TSPAN14: variants seen among roughly 807,000 people sequenced by gnomAD.
TSPAN14 encodes the protein tetraspanin 14.
Under a neutral mutation model 36.6 loss-of-function variants are expected in TSPAN14, and 16 were observed. The ratio of observed to expected loss-of-function variants is 0.44; its 90% CI spans 0.30 to 0.66. The LOEUF (loss-of-function observed/expected upper bound fraction) is 0.66, where lower values mean the gene tolerates loss of function less well. Among genes scored for constraint, TSPAN14 ranks in the 30% least tolerant of loss-of-function variants. TSPAN14 has a pLI of 0.12. For synonymous variants in TSPAN14, 139 were observed against 143.8 expected, an observed-to-expected ratio of 0.97 and a Z score of 0.24; for missense variants, 231 against 355.1, an observed-to-expected ratio of 0.65 and a Z score of 2.81.
intron 2 of TSPAN14, among the ~76,000 whole-genome samples, chr10:80,503,961 G>A (rs1185705026): frequency 6.6e-6 from 1 of 152,202 alleles, no homozygotes; most frequent in African/African-American, 2.4e-5. Context: ...TCAGGAACCT[G>A]TGTGATGTAT....
At chr10:80,500,350 A>G (rs1848436772) in intron 2 of TSPAN14, among the ~76,000 whole-genome samples, 2 of 63,184 alleles carry the variant, frequency 3.2e-5, no homozygotes, top group South Asian at 5.2e-4. Context: ...TTTTTTTGAG[A>G]CGAAGTTTTG....
chr10:80,469,356 A>G (rs1355015440), intron 1 of TSPAN14, among the ~76,000 whole-genome samples: 2 of 151,688 alleles, frequency 1.3e-5, no homozygotes, highest in African/African-American at 2.4e-5. Flanking sequence ...AGATAAATAA[A>G]TAGTCCAGAA....
chr10:80,515,547 G>T (rs1013119774), intron 7 of TSPAN14: 1 of 152,322 alleles, frequency 6.6e-6, no homozygotes, highest in Non-Finnish European at 1.5e-5. Context: ...TATGGATTTT[G>T]AGGACACAAT....
intron 2 of TSPAN14, among the ~76,000 whole-genome samples, chr10:80,490,433 T>C (rs1161442068): frequency 6.6e-6 from 1 of 152,148 alleles, no homozygotes; most frequent in African/African-American, 2.4e-5. Flanking sequence ...CACTCCCAAG[T>C]TGGCTGAGAG....
chr10:80,462,358 A>ATGGGATGGAGTGGGG (rs1564708043), intron 1 of TSPAN14, among the ~76,000 whole-genome samples: 9 of 77,586 alleles, frequency 1.2e-4, no homozygotes, highest in African/African-American at 3.2e-4. Context: ...ATGGGGTGGG[A>ATGGGATGGAGTGGGG]TGGGATGGGA....
intron 2 of TSPAN14, among the ~76,000 whole-genome samples, chr10:80,498,159 A>T (rs187248270): frequency 1.1e-3 from 163 of 152,142 alleles, no homozygotes; most frequent in African/African-American, 3.4e-3. Context: ...ATTCTATTCA[A>T]TCGTCAGCAT....
chr10:80,476,992 T>C (rs145854493), intron 1 of TSPAN14, among the ~76,000 whole-genome samples: 181 of 152,284 alleles, frequency 1.2e-3, no homozygotes, highest in Non-Finnish European at 2.1e-3. Flanking sequence ...TTCAGCAGAG[T>C]GCAGTTTCTT....
chr10:80,500,314 C>CTTTTTT lies in TSPAN14; in HGVS notation c.82-4387_82-4382dup, dbSNP rs144759161. Among the ~76,000 whole-genome samples the CTTTTTT allele has an allele frequency of 1.8e-3, 86 of 47,896 alleles. 4 individuals carry two copies. Among genetic ancestry groups the CTTTTTT allele is most frequent in the Non-Finnish European group, 2.4e-3 (68 of 27,948 alleles). The allele number at this position is 47,896 out of a possible 152,430, so 31.4% of individuals were successfully genotyped here. A position where few individuals can be genotyped will look rare whatever the true frequency, so the allele number is the denominator to read the frequency against. On this transcript the variant is annotated intron_variant, in intron 2 of 8. Transcript: ENST00000429989. ...AATGAAAACAACACAAGGCCTTATT[C>CTTTTTT]TTTTTTTTTTTTTTTTTTTTTTTTT...
At chr10:80,483,644 T>C (rs1428200219) in intron 1 of TSPAN14, among the ~76,000 whole-genome samples, 1 of 151,932 alleles carries the variant, frequency 6.6e-6, no homozygotes, top group African/African-American at 2.4e-5. Context: ...TATGGTGGCT[T>C]ATGCCTATAA....
chr10:80,494,376 T>A (rs1170802788), intron 2 of TSPAN14, among the ~76,000 whole-genome samples: 2 of 152,184 alleles, frequency 1.3e-5, no homozygotes, highest in Non-Finnish European at 2.9e-5. Flanking sequence ...AGTAAGAGAA[T>A]TTTGAGAGAG....
chr10:80,493,239 T>A (rs1406957030), intron 2 of TSPAN14, among the ~76,000 whole-genome samples: 1 of 152,300 alleles, frequency 6.6e-6, no homozygotes, highest in African/African-American at 2.4e-5. Flanking sequence ...GCTATTATTT[T>A]AAAAAATGGA....
intron 1 of TSPAN14, among the ~76,000 whole-genome samples, chr10:80,483,853 T>G (rs1384825597): frequency 1.6e-5 from 2 of 125,908 alleles, no homozygotes; most frequent in African/African-American, 6.2e-5. Flanking sequence ...GAGGTTGCAG[T>G]GAGCCAAGAT....
At chr10:80,456,793 T>C (rs2131944995) in intron 1 of TSPAN14, among the ~76,000 whole-genome samples, 1 of 152,372 alleles carries the variant, frequency 6.6e-6, no homozygotes, top group African/African-American at 2.4e-5. Flanking sequence ...CTGGGCGTGA[T>C]GGCTCATGCC....
chr10:80,503,826 G>T (rs576539984), intron 2 of TSPAN14, among the ~76,000 whole-genome samples: 1 of 152,124 alleles, frequency 6.6e-6, no homozygotes, highest in African/African-American at 2.4e-5. Context: ...GTTATTTATC[G>T]TGAGATGGTG....
intron 1 of TSPAN14, among the ~76,000 whole-genome samples, chr10:80,466,022 A>G (rs927801648): frequency 5.3e-5 from 8 of 152,080 alleles, no homozygotes; most frequent in African/African-American, 1.7e-4. Context: ...GCCCGCCCCA[A>G]CCCATACTGT....
At chr10:80,458,844 GCT>G (rs139393564) in intron 1 of TSPAN14, among the ~76,000 whole-genome samples, 3,452 of 152,218 alleles carry the variant, frequency 0.023, 51 homozygotes, top group Middle Eastern at 0.041. Flanking sequence ...GTCCAGTGCC[GCT>G]CTCAATTAAA....
chr10:80,508,230 C>T (rs1042521012), intron 4 of TSPAN14, among the ~76,000 whole-genome samples: 7 of 151,804 alleles, frequency 4.6e-5, no homozygotes, highest in Non-Finnish European at 1.0e-4. Flanking sequence ...ATTCTCCTGC[C>T]TCAGCCTCCC....
intron 5 of TSPAN14, among the ~76,000 whole-genome samples, chr10:80,510,133 A>T (rs1021865454): frequency 4.6e-5 from 7 of 150,936 alleles, no homozygotes; most frequent in African/African-American, 1.7e-4. Flanking sequence ...GGAGGAACCC[A>T]CTCCTTGGCC....
intron 3 of TSPAN14, among the ~76,000 whole-genome samples, chr10:80,506,568 C>T (rs991922787): frequency 5.3e-5 from 8 of 152,318 alleles, no homozygotes; most frequent in African/African-American, 9.6e-5. Flanking sequence ...TCCCCCTTGG[C>T]GTTTTACAAA....
Sources: allele counts gnomAD v4.1 joint callset (sites outside exome capture counted in the v4.1 genomes callset), GRCh38; gene constraint gnomAD v4.1.1; transcripts MANE v1.5; gene names NCBI Gene and HGNC (gene_info 2026-07-23, HGNC 2026-07-21).